The following KLHDC10 variants were observed in gnomAD, a reference collection of about 807,000 sequenced individuals.
KLHDC10 encodes kelch domain containing 10.
In KLHDC10, 24 loss-of-function variants were observed where a neutral mutation model predicts 56.1. That is an observed-to-expected ratio of 0.43 (90% CI 0.31 to 0.60). KLHDC10 has a LOEUF of 0.60. Ranked by LOEUF, KLHDC10 falls within the 20% of genes least tolerant of loss-of-function variation. The pLI is 0.11. For missense variants in KLHDC10, 349 were observed against 567.0 expected (o/e 0.62, Z 3.91); for synonymous variants, 188 against 207.1 (o/e 0.91, Z 0.79).
chr7:130,076,961 T>G (rs550849647), intron 1 of KLHDC10, among the ~76,000 whole-genome samples: 4 of 152,156 alleles, frequency 2.6e-5, no homozygotes, highest in Non-Finnish European at 5.9e-5. Context: ...CTGTTGGCAT[T>G]TTTATTGGTA....
In KLHDC10 at chr7:130,132,129, G is replaced by T. The variant is rs1182456888; in HGVS notation, c.*1383G>T. 1 of 152,018 alleles carries T rather than the reference G, an allele frequency of 6.6e-6. No individual in the cohort carries two copies. The highest frequency in any genetic ancestry group is 1.5e-5 in the Non-Finnish European group (1 of 68,012). 9.4% of individuals were successfully genotyped at this position (152,018 alleles called of 1,614,324 possible). A position where few individuals can be genotyped will look rare whatever the true frequency, so the allele number is the denominator to read the frequency against. ...CTCGCTTTGCCATCTGGCTGCTAGGGGAGCTGAGCAAGAGGCTCACCATGC... is the reference window on the plus strand; with the variant it reads ...CTCGCTTTGCCATCTGGCTGCTAGGTGAGCTGAGCAAGAGGCTCACCATGC... On this transcript the variant is annotated 3_prime_UTR_variant, in exon 10 of 10. Transcript: ENST00000335420.
At chr7:130,128,875 T>TAAAAAAAAAAAAAAAA (rs1164826285) in intron 8 of KLHDC10, among the ~76,000 whole-genome samples, 5 of 42,332 alleles carry the variant, frequency 1.2e-4, no homozygotes, top group Non-Finnish European at 2.0e-4. Context: ...CCTTGTCTCT[T>TAAAAAAAAAAAAAAAA]AAAAAAAAAA....
intron 8 of KLHDC10, among the ~76,000 whole-genome samples, chr7:130,128,785 A>G (rs1195204095): frequency 6.7e-6 from 1 of 149,842 alleles, no homozygotes; most frequent in African/African-American, 2.5e-5. Context: ...CATGCCTGTA[A>G]TCCTAGCACT....
intron 2 of KLHDC10, among the ~76,000 whole-genome samples, chr7:130,101,948 C>T (rs146133594): frequency 0.03 from 3,589 of 120,888 alleles, 65 homozygotes; most frequent in Admixed American, 0.038. Flanking sequence ...CCAGCCTGGG[C>T]GACAGAGTGA....
intron 1 of KLHDC10, among the ~76,000 whole-genome samples, chr7:130,071,816 G>A (rs1453229927): frequency 2.0e-5 from 3 of 152,150 alleles, no homozygotes; most frequent in Non-Finnish European, 1.5e-5. Context: ...AGAACATGAT[G>A]AATTGGTTTT....
Position 130,089,293 on chromosome 7 carries a change from C to T in KLHDC10, c.167-7628C>T, listed in dbSNP as rs117959074. 6.2e-3 allele frequency among the ~76,000 whole-genome samples: 944 copies of T among 152,096 alleles called. 4 individuals carry two copies. Among genetic ancestry groups the T allele is most frequent in the Middle Eastern group, 0.024 (7 of 294 alleles). On this transcript the variant is annotated intron_variant, in intron 1 of 9. Transcript: ENST00000335420. ...ACATGGTGAAACCCCGGCCCCATCTCTACAATATAAACAAAAATGACCCAG... is the reference window on the plus strand; with the variant it reads ...ACATGGTGAAACCCCGGCCCCATCTTTACAATATAAACAAAAATGACCCAG...
chr7:130,117,083 G>T (rs2116903020), intron 3 of KLHDC10, among the ~76,000 whole-genome samples: 1 of 152,258 alleles, frequency 6.6e-6, no homozygotes, highest in South Asian at 2.1e-4. Context: ...GTTTCCTAGT[G>T]CATATAAAGT....
rs1486036834 is a variant in KLHDC10 at position 130,102,893 on chromosome 7, T to G, written c.253+5886T>G. On this transcript the variant is annotated intron_variant, in intron 2 of 9. Coordinates refer to ENST00000335420, the MANE Select transcript of KLHDC10 (RefSeq NM_014997.4). ...AAAAGTAATGATTAATGAATTAGTT[T>G]TATATTGAAGAATTGATTGCTGAAA... 2.0e-5 allele frequency among the ~76,000 whole-genome samples: 3 copies of G among 152,242 alleles called. No homozygotes were observed. In the East Asian group the frequency reaches 5.8e-4, roughly 29 times the overall value.
intron 7 of KLHDC10, 149 bp from the exon 8 acceptor site, chr7:130,127,255 A>C: frequency 1.5e-6 from 1 of 651,516 alleles, no homozygotes. Context: ...TGAAATAAGG[A>C]GGGAGTGGAA....
In KLHDC10 at chr7:130,128,919, T is replaced by TATATAC. The variant is rs1292651924; in HGVS notation, c.980-517_980-516insTATACA. Among the ~76,000 whole-genome samples, 40 of 115,694 alleles carry TATATAC rather than the reference T, an allele frequency of 3.5e-4. 1 individual carries two copies. Among genetic ancestry groups the TATATAC allele is most frequent in the African/African-American group, 1.1e-3 (32 of 28,548 alleles). 75.9% of individuals were successfully genotyped at this position (115,694 alleles called of 152,430 possible). A position where few individuals can be genotyped will look rare whatever the true frequency, so the allele number is the denominator to read the frequency against. ...ATATATATATATATATATATATATA[T>TATATAC]ACATACTAGCCAAAACTTAAAAATC... On this transcript the variant is annotated intron_variant, in intron 8 of 9. Transcript: ENST00000335420.
At chr7:130,102,087 G>T (rs1795938873) in intron 2 of KLHDC10, among the ~76,000 whole-genome samples, 1 of 151,758 alleles carries the variant, frequency 6.6e-6, no homozygotes, top group African/African-American at 2.4e-5. Flanking sequence ...AACAAGAAGA[G>T]GAGCTCTATC....
chr7:130,085,885 G>T (rs1261067455), intron 1 of KLHDC10, among the ~76,000 whole-genome samples: 1 of 151,036 alleles, frequency 6.6e-6, no homozygotes, highest in Non-Finnish European at 1.5e-5. Flanking sequence ...TAAAATGGTG[G>T]ACTTTGTACT....
intron 1 of KLHDC10, among the ~76,000 whole-genome samples, chr7:130,089,944 C>T (rs180865119): frequency 7.9e-4 from 120 of 151,616 alleles, no homozygotes; most frequent in Non-Finnish European, 1.1e-3. Flanking sequence ...TGCAATGGCG[C>T]GATCTTGGCT....
intron 1 of KLHDC10, among the ~76,000 whole-genome samples, chr7:130,072,505 T>C (rs1419415851): frequency 6.6e-6 from 1 of 152,234 alleles, no homozygotes; most frequent in Non-Finnish European, 1.5e-5. Context: ...CTGCTTCCCT[T>C]TTCTCTTGAC....
chr7:130,119,864 A>AAT (rs1796225579), intron 3 of KLHDC10, among the ~76,000 whole-genome samples: 1 of 150,840 alleles, frequency 6.6e-6, no homozygotes, highest in South Asian at 2.1e-4. Context: ...AAAAAAAAAA[A>AAT]GCCACTGAAA....
At chr7:130,071,911 C>G (rs920769877) in intron 1 of KLHDC10, among the ~76,000 whole-genome samples, 1 of 152,100 alleles carries the variant, frequency 6.6e-6, no homozygotes, top group Non-Finnish European at 1.5e-5. Flanking sequence ...GGGAATTTAG[C>G]ACATTTAATG....
intron 1 of KLHDC10, among the ~76,000 whole-genome samples, chr7:130,075,415 G>T (rs1159873498): frequency 1.3e-5 from 2 of 152,134 alleles, no homozygotes; most frequent in East Asian, 1.9e-4. Flanking sequence ...ATACAAAAAA[G>T]TATATGGTAA....
chr7:130,084,567 C>T (rs144277429), intron 1 of KLHDC10, among the ~76,000 whole-genome samples: 4,187 of 152,082 alleles, frequency 0.028, 192 homozygotes, highest in African/African-American at 0.096. Flanking sequence ...CACTTGAGGT[C>T]AGGAGTTTGA....
chr7:130,070,757 G>A lies in KLHDC10; in HGVS notation c.114G>A (p.Gly38=), dbSNP rs1795395398. ...GGGSGGSGGR[G]TGQLNRFVQL... ...GCAGTGGGGGCAGCGGGGGTCGGGGGACTGGCCAGCTCAACCGCTTCGTGC... is the reference window on the plus strand; with the variant it reads ...GCAGTGGGGGCAGCGGGGGTCGGGGAACTGGCCAGCTCAACCGCTTCGTGC... Residue 38 remains glycine (G), a synonymous_variant, in exon 1 of 10, where the codon GGG becomes GGA. Transcript: ENST00000335420. 1 of 1,018,172 alleles carries A rather than the reference G, an allele frequency of 9.8e-7. No individual in the cohort carries two copies. Among genetic ancestry groups the A allele is most frequent in the Non-Finnish European group, 1.3e-6 (1 of 764,040 alleles). The allele number at this position is 1,018,172 out of a possible 1,614,324, so 63.1% of individuals were successfully genotyped here.
Sources: allele counts gnomAD v4.1 joint callset (sites outside exome capture counted in the v4.1 genomes callset), GRCh38; gene constraint gnomAD v4.1.1; transcripts MANE v1.5; gene names NCBI Gene and HGNC (gene_info 2026-07-23, HGNC 2026-07-21).